MLIP: variants seen among roughly 807,000 people sequenced by gnomAD.
MLIP encodes the protein muscular LMNA interacting protein.
In MLIP, 79 loss-of-function variants were observed where a neutral mutation model predicts 84.8. The observed-to-expected ratio is 0.93, with a 90% CI of 0.78 to 1.12. MLIP has a LOEUF of 1.12. MLIP is among the 50% of genes most tolerant of loss of function. MLIP has a pLI of 0.00. For missense variants in MLIP, 1,257 were observed against 1,160.6 expected (o/e 1.08, Z -1.21); for synonymous variants, 504 against 463.0 (o/e 1.09, Z -1.14).
At chr6:54,216,895 T>G (rs914691992) in intron 11 of MLIP, 42 of 985,214 alleles carry the variant, frequency 4.3e-5, no homozygotes, top group Non-Finnish European at 5.1e-5. Flanking sequence ...TGTAAAGTGT[T>G]GGTGTCTTTA....
intron 10 of MLIP, among the ~76,000 whole-genome samples, chr6:54,199,699 T>C (rs1481162296): frequency 1.3e-5 from 2 of 152,236 alleles, no homozygotes; most frequent in East Asian, 1.9e-4. Flanking sequence ...GGATGAGAAG[T>C]ATGAACAATG....
At chr6:54,261,488 T>C (rs1783388643) in intron 13 of MLIP, 1 of 724,688 alleles carries the variant, frequency 1.4e-6, no homozygotes, top group Non-Finnish European at 1.7e-6. Flanking sequence ...GGCAAATTCT[T>C]GTGTTTTCTT....
chr6:54,083,629 A>C, intron 1 of MLIP: 1 of 1,535,906 alleles, frequency 6.5e-7, no homozygotes, highest in East Asian at 2.4e-5. Context: ...GAGTTCTATG[A>C]CATTATTAGT....
intron 1 of MLIP, among the ~76,000 whole-genome samples, chr6:54,044,764 A>G (rs1192334007): frequency 6.6e-6 from 1 of 152,180 alleles, no homozygotes; most frequent in Middle Eastern, 3.4e-3. Flanking sequence ...AATTAATGCC[A>G]CATATATTGG....
intron 1 of MLIP, among the ~76,000 whole-genome samples, chr6:54,056,993 G>T (rs1765698857): frequency 6.6e-6 from 1 of 152,130 alleles, no homozygotes; most frequent in Non-Finnish European, 1.5e-5. Context: ...ATTGCTTAAA[G>T]GCATAGGGTT....
At chr6:54,178,375 T>C (rs1582406243) in intron 9 of MLIP, among the ~76,000 whole-genome samples, 1 of 152,186 alleles carries the variant, frequency 6.6e-6, no homozygotes, top group South Asian at 2.1e-4. Context: ...TTTTGTTTCA[T>C]TGATCTTTTG....
intron 1 of MLIP, among the ~76,000 whole-genome samples, chr6:54,073,817 G>A (rs561186210): frequency 6.6e-6 from 1 of 152,312 alleles, no homozygotes; most frequent in East Asian, 1.9e-4. Context: ...AAGAGAATGT[G>A]AAATTTAAAC....
intron 3 of MLIP, among the ~76,000 whole-genome samples, chr6:54,132,357 TG>T (rs2150469306): frequency 6.6e-6 from 1 of 152,322 alleles, no homozygotes; most frequent in Admixed American, 6.5e-5. Context: ...GGGGAATAAC[TG>T]ATGAAATGAG....
chr6:54,160,474 A>G lies in MLIP; in HGVS notation c.2355+42A>G, dbSNP rs1774504865. On this transcript the variant is annotated intron_variant, in intron 6 of 13. Transcript: ENST00000502396. ...ACCCCTGCTTTTGGTATGCAATTCC[A>G]AAACTTATTGCTAACCCAGTACCTG... is the stretch of plus-strand genomic sequence containing the variant. The G allele has an allele frequency of 3.7e-6, 6 of 1,611,394 alleles. No homozygotes were observed. The East Asian group carries it at 1.3e-4, about 36-fold the overall frequency.
intron 1 of MLIP, chr6:54,030,790 C>A (rs1214815861): frequency 6.6e-6 from 1 of 151,954 alleles, no homozygotes; most frequent in Non-Finnish European, 1.5e-5. Flanking sequence ...TGTATGGAGA[C>A]CTTAATTATT....
At chr6:54,217,453 T>C in intron 11 of MLIP, 1 of 985,370 alleles carries the variant, frequency 1.0e-6, no homozygotes, top group Non-Finnish European at 1.2e-6. Context: ...CAGATATGGC[T>C]ATAACACTAA....
chr6:54,228,418 G>A (rs1422626483), intron 11 of MLIP, among the ~76,000 whole-genome samples: 2 of 152,176 alleles, frequency 1.3e-5, no homozygotes, highest in African/African-American at 4.8e-5. Flanking sequence ...GTACTCAAGT[G>A]AGCTTCGCCA....
intron 9 of MLIP, among the ~76,000 whole-genome samples, chr6:54,173,784 A>G (rs1776005868): frequency 6.6e-6 from 1 of 151,954 alleles, no homozygotes; most frequent in South Asian, 2.1e-4. Flanking sequence ...TATTGACTAT[A>G]GTCAATTATT....
intron 4 of MLIP, among the ~76,000 whole-genome samples, chr6:54,143,155 G>C (rs1183778233): frequency 6.6e-6 from 1 of 151,386 alleles, no homozygotes; most frequent in Non-Finnish European, 1.5e-5. Context: ...TCGCACTCAG[G>C]TGTTCAATGA....
intron 12 of MLIP, among the ~76,000 whole-genome samples, chr6:54,231,777 A>G (rs1032482886): frequency 1.6e-4 from 24 of 152,292 alleles, no homozygotes; most frequent in Admixed American, 1.6e-3. Flanking sequence ...ATACATCTCT[A>G]TACTTAGAAA....
At position 54,137,363 on chromosome 6, in the gene MLIP, TC is replaced by T; in HGVS notation, c.1298del (p.Pro433LeufsTer39). 3.9e-6 allele frequency: 6 copies of T among 1,535,998 alleles called. No individual in the cohort carries two copies. Among genetic ancestry groups the T allele is most frequent in the Non-Finnish European group, 5.2e-6 (6 of 1,146,888 alleles). On this transcript the variant is annotated frameshift_variant, in exon 4 of 14. Coordinates refer to ENST00000502396, the MANE Select transcript of MLIP (RefSeq NM_001281747.2). LOFTEE classifies it high-confidence loss of function. Reference protein sequence around the residue: ...KSNPSHQRPFSPASCPTFSLN... With the variant: ...KSNPSHQRPFXPASCPTFSLN... ...AAACCCTTCCCACCAAAGACCCTTTTCCCCTGCATCCTGTCCCACCTTCTCT... is the reference window on the plus strand; with the variant it reads ...AAACCCTTCCCACCAAAGACCCTTTTCCCTGCATCCTGTCCCACCTTCTCT...
chr6:54,263,814 A>C (rs1164262375), intron 13 of MLIP, among the ~76,000 whole-genome samples: 1 of 152,076 alleles, frequency 6.6e-6, no homozygotes. Flanking sequence ...TCTTATATCC[A>C]AAATAAGTGT....
chr6:54,095,444 G>A (rs552193227), intron 1 of MLIP, among the ~76,000 whole-genome samples: 8 of 151,990 alleles, frequency 5.3e-5, no homozygotes, highest in Admixed American at 3.9e-4. Flanking sequence ...TTTGTCTTTC[G>A]TGCTTTTTTT....
intron 3 of MLIP, among the ~76,000 whole-genome samples, chr6:54,135,053 TTAAC>T (rs1167545149): frequency 6.6e-6 from 1 of 152,096 alleles, no homozygotes; most frequent in Non-Finnish European, 1.5e-5. Context: ...AATTATGTAT[TTAAC>T]TAAAATGATT....
Sources: gnomAD v4.1 joint callset for allele counts (sites outside exome capture counted in the v4.1 genomes callset) on GRCh38, gnomAD v4.1.1 for gene constraint, MANE v1.5 for transcripts, NCBI Gene and HGNC (gene_info 2026-07-23, HGNC 2026-07-21) for gene names.